Variants in TTLL8 observed in about 807,000 individuals in gnomAD.
TTLL8 encodes the protein tubulin tyrosine ligase like 8, also known as protein monoglycylase TTLL8.
In TTLL8, 65 loss-of-function variants were observed where a neutral mutation model predicts 77.8. The observed-to-expected ratio is 0.84, with a 90% CI of 0.68 to 1.03. The LOEUF is 1.03. Ranked by LOEUF, TTLL8 falls within the 50% of genes least tolerant of loss-of-function variation. TTLL8 has a pLI of 0.00. For synonymous variants in TTLL8, 402 were observed against 422.8 expected (o/e 0.95, Z 0.60); for missense variants, 910 against 1,004.5 (o/e 0.91, Z 1.27).
chr22:50,020,570 GACA>G (rs200146716), intron 12 of TTLL8, among the ~76,000 whole-genome samples: 15 of 104,288 alleles, frequency 1.4e-4, no homozygotes, highest in South Asian at 8.5e-4. Context: ...TCCTCCATCT[GACA>G]ACGTGCACTC....
chr22:50,048,723 A>G (rs564797766), intron 3 of TTLL8, among the ~76,000 whole-genome samples: 1 of 152,294 alleles, frequency 6.6e-6, no homozygotes, highest in South Asian at 2.1e-4. Flanking sequence ...TGAGTTCTTC[A>G]TATATTCTGG....
At chr22:50,035,500 G>T (rs1035718076) in intron 8 of TTLL8, among the ~76,000 whole-genome samples, 9 of 152,184 alleles carry the variant, frequency 5.9e-5, no homozygotes, top group Admixed American at 5.9e-4. Flanking sequence ...GACTGAAGGC[G>T]ACCTCAGGCA....
At position 50,044,929 on chromosome 22, in the gene TTLL8, G is replaced by A. The variant is rs1416066859; in HGVS notation, c.643+326C>T. Among the ~76,000 whole-genome samples, 2 of 152,138 alleles carry A rather than the reference G, an allele frequency of 1.3e-5. No homozygotes were observed. The highest frequency in any genetic ancestry group is 4.8e-5 in the African/African-American group (2 of 41,436). ...TTGGGGAGACTCAGGCTGCGGCATC[G>A]TGGTGGCCGTGGGGTGGGGCAGGCT... On this transcript the variant is annotated intron_variant, in intron 6 of 13. Transcript: ENST00000266182. This position sits in a 1 kb window ranked among gnomAD's most constrained non-coding sequence, Gnocchi z 4.2.
At chr22:50,057,665 C>T (rs2061490332), upstream of TTLL8, among the ~76,000 whole-genome samples, 1 of 75,028 alleles carries the variant, frequency 1.3e-5, no homozygotes, top group Non-Finnish European at 2.3e-5. Context: ...GTTGGGAGAT[C>T]AGGTCTGGGT....
chr22:50,056,884 C>T (rs776925625), upstream of TTLL8: 16 of 1,289,586 alleles, frequency 1.2e-5, no homozygotes, highest in South Asian at 8.6e-5. The surrounding 1 kb of genome is among the most constrained non-coding windows in gnomAD (Gnocchi z 4.1). Flanking sequence ...TCTTCTCTCC[C>T]GTCTCCATCT....
chr22:50,031,387 G>C (rs1569223696), intron 11 of TTLL8, among the ~76,000 whole-genome samples: 1 of 152,210 alleles, frequency 6.6e-6, no homozygotes, highest in Non-Finnish European at 1.5e-5. Flanking sequence ...ACTGGGTGAG[G>C]CTGGGAACAA....
intron 8 of TTLL8, among the ~76,000 whole-genome samples, chr22:50,035,986 T>C (rs920506123): frequency 1.7e-4 from 26 of 152,356 alleles, no homozygotes; most frequent in Non-Finnish European, 2.2e-4. Context: ...GGGATACAGC[T>C]GCTCAGGAGC....
At chr22:50,021,276 C>T (rs2061197192) in intron 12 of TTLL8, among the ~76,000 whole-genome samples, 4 of 149,988 alleles carry the variant, frequency 2.7e-5, no homozygotes, top group Admixed American at 2.6e-4. Flanking sequence ...TGCACTCCTC[C>T]ATCTGATGTG....
chr22:50,036,139 G>A (rs765022096), intron 8 of TTLL8, among the ~76,000 whole-genome samples: 1 of 152,230 alleles, frequency 6.6e-6, no homozygotes, highest in African/African-American at 2.4e-5. Flanking sequence ...CTGACCCCAG[G>A]GCACACCTGC....
intron 9 of TTLL8, 113 bp from the exon 11 acceptor site, chr22:50,033,558 T>C: frequency 2.1e-6 from 2 of 959,766 alleles, no homozygotes; most frequent in South Asian, 3.0e-5. Context: ...ACTGGCTTTG[T>C]CCAAGGCCAG....
intron 12 of TTLL8, among the ~76,000 whole-genome samples, chr22:50,022,253 C>T (rs2061207772): frequency 6.6e-6 from 1 of 151,600 alleles, no homozygotes; most frequent in South Asian, 2.1e-4. Flanking sequence ...AATGTGTACT[C>T]CTCCGTCTGA....
At chr22:50,046,037 G>A (rs1271284918) in intron 4 of TTLL8, 67 bp from the exon 7 acceptor site, 8 of 1,278,072 alleles carry the variant, frequency 6.3e-6, no homozygotes, top group South Asian at 5.0e-5. Flanking sequence ...CTCACAAGGC[G>A]AGGACGGGCC....
In TTLL8 at chr22:50,032,003, C is replaced by A. The variant is rs376769567; in HGVS notation, c.1390G>T (p.Glu464Ter). The A allele has an allele frequency of 4.4e-6, 6 of 1,366,608 alleles. No homozygotes were observed. Among genetic ancestry groups the A allele is most frequent in the Non-Finnish European group, 5.9e-6 (6 of 1,021,854 alleles). The allele number at this position is 1,366,608 out of a possible 1,614,324, so 84.7% of individuals were successfully genotyped here. A position where few individuals can be genotyped will look rare whatever the true frequency, so the allele number is the denominator to read the frequency against. ...CCACGGCCCTGGCGCTGCAGGTACTCCTGGAACCTGGTGCTGGTCCACATG... is the reference window on the plus strand; with the variant it reads ...CCACGGCCCTGGCGCTGCAGGTACTACTGGAACCTGGTGCTGGTCCACATG... Residue 464 changes from glutamate (E) to a stop codon, truncating the protein, a stop_gained, in exon 11 of 14, where the codon GAG becomes TAG. Coordinates refer to ENST00000266182, the Ensembl canonical transcript of TTLL8. LOFTEE classifies it high-confidence loss of function.
chr22:50,034,294 A>C lies in TTLL8; in HGVS notation c.1039+51T>G. On this transcript the variant is annotated intron_variant, in intron 9 of 13. Transcript: ENST00000266182. This position sits in a 1 kb window ranked among gnomAD's most constrained non-coding sequence, Gnocchi z 4.1. The stretch of plus-strand genomic sequence containing the variant: ...CTGTCCCTCACTCACGGCTCCTGGC[A>C]TCAAGTGTGGCCGTTGGTGGCTATG... 7.5e-7 allele frequency: 1 copy of C among 1,330,450 alleles called. No homozygotes were observed. Among genetic ancestry groups the C allele is most frequent in the Non-Finnish European group, 1.0e-6 (1 of 1,002,518 alleles). 82.4% of individuals were successfully genotyped at this position (1,330,450 alleles called of 1,614,324 possible). A position where few individuals can be genotyped will look rare whatever the true frequency, so the allele number is the denominator to read the frequency against.
rs762068169 is a variant in TTLL8 at position 50,049,271 on chromosome 22, G to A, written c.242C>T (p.Thr81Ile). The A allele has an allele frequency of 5.8e-6, 8 of 1,367,586 alleles. No homozygotes were observed. The South Asian group carries it at 7.9e-5, about 14-fold the overall frequency. 84.7% of individuals were successfully genotyped at this position (1,367,586 alleles called of 1,614,324 possible). Residue 81 changes from threonine (T) to isoleucine (I), a missense_variant, in exon 3 of 14, where the codon ACA becomes ATA. Thr to Ile is a moderately conservative substitution (Grantham distance 89). Around this residue, in one of 2 missense-constraint regions of TTLL8, gnomAD observed 776 missense variants for 926.1 expected, o/e 0.84. Coordinates refer to ENST00000266182, the Ensembl canonical transcript of TTLL8. ...TACCATCACGTCGTGGATGTTGTCTGTTTTCTCCAAAGCCATTTCTTGATT... is the reference window on the plus strand; with the variant it reads ...TACCATCACGTCGTGGATGTTGTCTATTTTCTCCAAAGCCATTTCTTGATT...
exon 2 of TTLL8, chr22:50,050,191 T>C (rs374423343): frequency 7.3e-6 from 10 of 1,363,466 alleles, no homozygotes; most frequent in Admixed American, 3.8e-5. Flanking sequence ...AGCCCTTCCT[T>C]CGCAGAGCGG....
At chr22:50,056,994 G>T, upstream of TTLL8, 2 of 1,287,840 alleles carry the variant, frequency 1.6e-6, no homozygotes, top group Non-Finnish European at 2.0e-6. This position sits in a 1 kb window ranked among gnomAD's most constrained non-coding sequence, Gnocchi z 4.1. Context: ...GGGTGTGGTG[G>T]TTACAGGAAA....
intron 6 of TTLL8, among the ~76,000 whole-genome samples, chr22:50,042,393 C>T (rs927815517): frequency 2.0e-5 from 3 of 152,132 alleles, no homozygotes; most frequent in East Asian, 3.8e-4. Flanking sequence ...TCACTGCAAC[C>T]TCCGCCTCCT....
At chr22:50,020,328 T>C (rs1367387447) in intron 12 of TTLL8, among the ~76,000 whole-genome samples, 1 of 135,402 alleles carries the variant, frequency 7.4e-6, no homozygotes, top group African/African-American at 2.9e-5. Context: ...CCATCTGACG[T>C]GCACACCTCC....
Sources: allele counts gnomAD v4.1 joint callset (sites outside exome capture counted in the v4.1 genomes callset), GRCh38; gene constraint gnomAD v4.1.1; regional missense constraint gnomAD v4.1.1; non-coding constraint Gnocchi (gnomAD v3.1); transcripts MANE v1.5; gene names NCBI Gene and HGNC (gene_info 2026-07-23, HGNC 2026-07-21).